Variants in SMIM13 observed in about 807,000 individuals in gnomAD.
SMIM13 encodes UPF0766 protein C6orf228.
A neutral mutation model predicts 5.9 loss-of-function variants in SMIM13; 3 were observed. The ratio of observed to expected loss-of-function variants is 0.51; its 90% CI spans 0.23 to 1.31. The LOEUF (loss-of-function observed/expected upper bound fraction) is 1.31. Among genes scored for constraint, SMIM13 ranks in the 40% most tolerant of loss-of-function variants. SMIM13 has a pLI of 0.18. For missense variants in SMIM13, 85 were observed against 109.9 expected, an observed-to-expected ratio of 0.77 and a Z score of 1.01; for synonymous variants, 55 against 46.0, an observed-to-expected ratio of 1.19 and a Z score of -0.79.
At chr6:11,109,695 T>C (rs114852855) in intron 1 of SMIM13, among the ~76,000 whole-genome samples, 130 of 152,328 alleles carry the variant, frequency 8.5e-4, no homozygotes, top group African/African-American at 3.1e-3. Context: ...CCAAGATTCC[T>C]GGTCCTAGAG....
intron 1 of SMIM13, chr6:11,104,956 G>T: frequency 6.2e-7 from 1 of 1,614,150 alleles, no homozygotes; most frequent in Non-Finnish European, 8.5e-7. Context: ...ATTCCCATTA[G>T]GTTGATATTA....
chr6:11,126,841 C>T (rs941919376), intron 1 of SMIM13, among the ~76,000 whole-genome samples: 3 of 152,166 alleles, frequency 2.0e-5, no homozygotes, highest in Non-Finnish European at 4.4e-5. Flanking sequence ...GCCATGTTTG[C>T]ATTGGGAAGC....
chr6:11,105,339 C>T (rs1376645331), intron 1 of SMIM13: 15 of 1,553,682 alleles, frequency 9.7e-6, no homozygotes, highest in Admixed American at 7.2e-5. Flanking sequence ...GGTCACAAAA[C>T]GAGCTGCCAA....
intron 1 of SMIM13, among the ~76,000 whole-genome samples, chr6:11,129,472 G>T (rs538071504): frequency 9.2e-5 from 14 of 152,280 alleles, no homozygotes; most frequent in African/African-American, 2.6e-4. Context: ...ATTGTGAATA[G>T]TTCTGCAATA....
At chr6:11,124,351 A>T (rs1243415666) in intron 1 of SMIM13, among the ~76,000 whole-genome samples, 1 of 152,192 alleles carries the variant, frequency 6.6e-6, no homozygotes, top group Non-Finnish European at 1.5e-5. Flanking sequence ...GCTGAATAGG[A>T]TTCCATTGTG....
At chr6:11,105,090 A>G (rs775599086) in intron 1 of SMIM13, 1 of 1,614,210 alleles carries the variant, frequency 6.2e-7, no homozygotes. Flanking sequence ...TCGATAGGAA[A>G]TATGTAATTC....
chr6:11,130,775 T>A (rs1248483107), intron 1 of SMIM13, among the ~76,000 whole-genome samples: 1 of 152,196 alleles, frequency 6.6e-6, no homozygotes, highest in African/African-American at 2.4e-5. Context: ...CTTAGTTCCT[T>A]ACCTTGTAGA....
In SMIM13 at chr6:11,132,862, A is replaced by C. The variant is rs539253238; in HGVS notation, c.77-1541A>C. Among the ~76,000 whole-genome samples, 3 of 152,264 alleles carry C rather than the reference A, an allele frequency of 2.0e-5. No individual in the cohort carries two copies. The East Asian group carries it at 5.8e-4, about 29-fold the overall frequency. On this transcript the variant is annotated intron_variant, in intron 1 of 1. Transcript: ENST00000416247. Reference sequence around the variant, plus strand: ...ACTTCAGTAGTGGTGACGGTTGTACAATCTTGTGGATATACTAAAAAACAC... The same window carrying C: ...ACTTCAGTAGTGGTGACGGTTGTACCATCTTGTGGATATACTAAAAAACAC...
rs111491801 is a variant in SMIM13, at chr6:11,114,789, G to C, written c.77-19614G>C. Among the ~76,000 whole-genome samples, 260 of 151,466 alleles carry C rather than the reference G, an allele frequency of 1.7e-3. 1 individual carries two copies. The highest frequency in any genetic ancestry group is 6.1e-3 in the African/African-American group (251 of 41,258). On this transcript the variant is annotated intron_variant, in intron 1 of 1. Coordinates refer to ENST00000416247, the MANE Select transcript of SMIM13 (RefSeq NM_001135575.2). ...AATTTTTGTATTTTTTAGTAGAGAC[G>C]GGGTTTCACCATGTTGATCAGGCTG...
In SMIM13 at chr6:11,136,686, T is replaced by C. The variant is rs1275131190; in HGVS notation, c.*2084T>C. 6.6e-6 allele frequency: 1 copy of C among 152,130 alleles called. No homozygotes were observed. 9.4% of individuals were successfully genotyped at this position (152,130 alleles called of 1,614,324 possible). ...CCTAGCAGCTGAGAGCAAGGCACAGTCTCTGTCTTCATTTCTTTATTAGAT... is the reference window on the plus strand; with the variant it reads ...CCTAGCAGCTGAGAGCAAGGCACAGCCTCTGTCTTCATTTCTTTATTAGAT... On this transcript the variant is annotated 3_prime_UTR_variant, in exon 2 of 2. Transcript: ENST00000416247.
chr6:11,134,382 T>C (rs1215244563), intron 1 of SMIM13, 21 bp from the exon 2 acceptor site: 6 of 1,536,644 alleles, frequency 3.9e-6, no homozygotes, highest in Non-Finnish European at 3.5e-6. Flanking sequence ...CTTTTCTTAA[T>C]GTTTTTGTCT....
intron 1 of SMIM13, among the ~76,000 whole-genome samples, chr6:11,097,474 G>A (rs763871547): frequency 1.2e-4 from 18 of 151,510 alleles, no homozygotes; most frequent in Admixed American, 2.6e-4. Context: ...TGGCCAACAT[G>A]GCGAATCCCC....
Position 11,125,230 on chromosome 6 carries a change from G to A in SMIM13, c.77-9173G>A, listed in dbSNP as rs1010118360. ...GAGGTGGAGGTTGCAGGGAGGCAGAGGTTGCAGTGAGTCGAGATTGCGCTA... is the reference window on the plus strand; with the variant it reads ...GAGGTGGAGGTTGCAGGGAGGCAGAAGTTGCAGTGAGTCGAGATTGCGCTA... On this transcript the variant is annotated intron_variant, in intron 1 of 1. Coordinates refer to ENST00000416247, the MANE Select transcript of SMIM13 (RefSeq NM_001135575.2). Among the ~76,000 whole-genome samples the A allele has an allele frequency of 2.0e-5, 3 of 150,570 alleles. No homozygotes were observed. In the East Asian group the frequency reaches 5.9e-4, roughly 30 times the overall value.
intron 1 of SMIM13, among the ~76,000 whole-genome samples, chr6:11,102,195 T>C (rs1468643238): frequency 6.6e-6 from 1 of 152,254 alleles, no homozygotes; most frequent in African/African-American, 2.4e-5. Context: ...ATTATAATTA[T>C]GTTTCTGTCC....
At chr6:11,106,662 A>T (rs1758088023) in intron 1 of SMIM13, among the ~76,000 whole-genome samples, 1 of 152,224 alleles carries the variant, frequency 6.6e-6, no homozygotes, top group Non-Finnish European at 1.5e-5. Context: ...AGAGCAGTTC[A>T]CTGGGGAGAG....
intron 1 of SMIM13, chr6:11,105,221 T>C (rs1758067217): frequency 6.2e-7 from 1 of 1,614,052 alleles, no homozygotes; most frequent in African/African-American, 1.3e-5. Context: ...TTTGGAGCAG[T>C]TGCTGAGCTT....
intron 1 of SMIM13, among the ~76,000 whole-genome samples, chr6:11,114,128 C>T (rs575752297): frequency 2.7e-5 from 4 of 150,416 alleles, no homozygotes; most frequent in East Asian, 4.0e-4. Context: ...TACAGGTGCG[C>T]GCCACCACGC....
rs1395888820 is a variant in SMIM13, at chr6:11,103,876, A to G, written c.76+9487A>G. 3.2e-6 allele frequency: 5 copies of G among 1,551,666 alleles called. No homozygotes were observed. The South Asian group carries it at 4.8e-5, about 15-fold the overall frequency. Reference sequence around the variant, plus strand: ...GTAAGGGGAAGAACCCAAGAGAACCATTTCCAAGTTCCTTCCCAATTTAAC... The same window carrying G: ...GTAAGGGGAAGAACCCAAGAGAACCGTTTCCAAGTTCCTTCCCAATTTAAC... On this transcript the variant is annotated intron_variant, in intron 1 of 1. Transcript: ENST00000416247.
At chr6:11,097,131 G>A (rs1033159530) in intron 1 of SMIM13, among the ~76,000 whole-genome samples, 10 of 152,148 alleles carry the variant, frequency 6.6e-5, no homozygotes, top group Non-Finnish European at 1.2e-4. Flanking sequence ...AGCCACCCAT[G>A]CCCAGCCAAA....
Sources: allele counts gnomAD v4.1 joint callset (sites outside exome capture counted in the v4.1 genomes callset), GRCh38; gene constraint gnomAD v4.1.1; transcripts MANE v1.5; gene names NCBI Gene and HGNC (gene_info 2026-07-23, HGNC 2026-07-21).